BICC1: variants seen among roughly 807,000 people sequenced by gnomAD.
BICC1 encodes the protein BicC family RNA binding protein 1, also known as protein bicaudal C homolog 1.
BICC1 carries 43 observed loss-of-function variants against 111.0 expected under a neutral mutation model. The observed-to-expected ratio is 0.39, with a 90% CI of 0.30 to 0.50. The LOEUF is 0.50. Among genes scored for constraint, BICC1 ranks in the 20% least tolerant of loss-of-function variants. BICC1 has a pLI of 0.88. For missense variants in BICC1, 1,091 were observed against 1,203.2 expected, an observed-to-expected ratio of 0.91 and a Z score of 1.38; for synonymous variants, 467 against 434.4, an observed-to-expected ratio of 1.07 and a Z score of -0.93.
chr10:58,529,774 T>C (rs1290984445), intron 1 of BICC1, among the ~76,000 whole-genome samples: 2 of 151,810 alleles, frequency 1.3e-5, no homozygotes, highest in Non-Finnish European at 2.9e-5. Context: ...TGGCACTTAT[T>C]ACGTACACAG....
intron 2 of BICC1, among the ~76,000 whole-genome samples, chr10:58,687,157 TGG>T (rs1839759250): frequency 1.3e-5 from 2 of 152,254 alleles, no homozygotes; most frequent in African/African-American, 4.8e-5. Flanking sequence ...CCTGTTTGCC[TGG>T]GTATCACCAG....
At chr10:58,531,187 T>C (rs995734219) in intron 1 of BICC1, among the ~76,000 whole-genome samples, 1 of 151,800 alleles carries the variant, frequency 6.6e-6, no homozygotes, top group Non-Finnish European at 1.5e-5. Context: ...CTTGGAGTGC[T>C]GATGAGGAAT....
chr10:58,791,665 C>T (rs1048865560), intron 8 of BICC1, among the ~76,000 whole-genome samples: 18 of 151,744 alleles, frequency 1.2e-4, no homozygotes, highest in African/African-American at 3.4e-4. Context: ...GCTCAAACCG[C>T]GGAGGTGGAG....
chr10:58,711,460 A>C (rs1472486168), intron 3 of BICC1, among the ~76,000 whole-genome samples: 5 of 152,218 alleles, frequency 3.3e-5, no homozygotes, highest in African/African-American at 1.2e-4. Flanking sequence ...GATAGTGCCA[A>C]ACATGCACAT....
chr10:58,663,637 T>C (rs568562623), intron 2 of BICC1, among the ~76,000 whole-genome samples: 56 of 152,306 alleles, frequency 3.7e-4, no homozygotes, highest in Admixed American at 2.6e-3. Context: ...TATTGTGAAC[T>C]GTGCATTCAA....
chr10:58,524,027 A>G (rs922479548), intron 1 of BICC1, among the ~76,000 whole-genome samples: 7 of 152,062 alleles, frequency 4.6e-5, no homozygotes, highest in Non-Finnish European at 1.0e-4. Flanking sequence ...AGAACTACAA[A>G]CCACTGCTCA....
At chr10:58,722,342 G>T (rs1328031255) in intron 3 of BICC1, among the ~76,000 whole-genome samples, 1 of 152,062 alleles carries the variant, frequency 6.6e-6, no homozygotes, top group African/African-American at 2.4e-5. Flanking sequence ...TAGCGGAGAA[G>T]GAATAGTGTT....
intron 2 of BICC1, among the ~76,000 whole-genome samples, chr10:58,635,963 G>A (rs1837941150): frequency 6.6e-6 from 1 of 152,124 alleles, no homozygotes; most frequent in African/African-American, 2.4e-5. Flanking sequence ...CATATCTGTG[G>A]TCACTTTGTT....
At chr10:58,762,545 G>T (rs748032281) in intron 3 of BICC1, among the ~76,000 whole-genome samples, 1 of 152,202 alleles carries the variant, frequency 6.6e-6, no homozygotes, top group African/African-American at 2.4e-5. Context: ...AAAGGAAGAA[G>T]AACAGGTTAT....
chr10:58,797,805 G>GAAC (rs967305109), intron 10 of BICC1, among the ~76,000 whole-genome samples: 2 of 151,756 alleles, frequency 1.3e-5, no homozygotes, highest in Non-Finnish European at 2.9e-5. Context: ...TGACTCCTTA[G>GAAC]AACAACAACA....
Position 58,813,957 on chromosome 10 carries a change from G to C in BICC1, c.2504G>C (p.Gly835Ala). 6.2e-7 allele frequency: 1 copy of C among 1,614,008 alleles called. No homozygotes were observed. The highest frequency in any genetic ancestry group is 8.5e-7 in the Non-Finnish European group (1 of 1,179,934). ...CATAGTGAATTTGCAGCTTCTATTGGCAGCCCTAAGCGTAAACAAAACAAA... is the reference window on the plus strand; with the variant it reads ...CATAGTGAATTTGCAGCTTCTATTGCCAGCCCTAAGCGTAAACAAAACAAA... ...GSHSEFAASIGSPKRKQNKST... is the reference protein window; with the variant it reads ...GSHSEFAASIASPKRKQNKST... The change falls in exon 18 of 21, where the codon GGC becomes GCC. Residue 835 changes from glycine (G) to alanine (A), a missense_variant. Gly to Ala is a moderately conservative substitution (Grantham distance 60). Around this residue, in one of 3 missense-constraint regions of BICC1, gnomAD observed 231 missense variants for 256.2 expected, o/e 0.90. Coordinates refer to ENST00000373886, the MANE Select transcript of BICC1 (RefSeq NM_001080512.3).
chr10:58,626,900 T>G (rs577565001), intron 2 of BICC1, among the ~76,000 whole-genome samples: 2 of 152,084 alleles, frequency 1.3e-5, no homozygotes, highest in Admixed American at 1.3e-4. Flanking sequence ...AGGTCAGGAG[T>G]TCGAGACCAG....
intron 1 of BICC1, among the ~76,000 whole-genome samples, chr10:58,535,371 A>G (rs1842798889): frequency 7.0e-6 from 1 of 143,592 alleles, no homozygotes; most frequent in African/African-American, 2.5e-5. Context: ...AAAACCTAGC[A>G]GACTAACAGC....
chr10:58,786,453 T>C (rs971122225), intron 4 of BICC1, among the ~76,000 whole-genome samples: 36 of 152,330 alleles, frequency 2.4e-4, no homozygotes, highest in African/African-American at 8.4e-4. Flanking sequence ...AAAGCAGTGA[T>C]TCTAAAAACT....
At chr10:58,695,437 C>G (rs545725599) in intron 2 of BICC1, among the ~76,000 whole-genome samples, 3 of 152,154 alleles carry the variant, frequency 2.0e-5, no homozygotes, top group Non-Finnish European at 4.4e-5. Context: ...ATTAGTTGGT[C>G]TTTTAGAGAA....
At chr10:58,606,950 T>C (rs1845235432) in intron 1 of BICC1, among the ~76,000 whole-genome samples, 2 of 152,224 alleles carry the variant, frequency 1.3e-5, no homozygotes, top group Admixed American at 1.3e-4. Context: ...TCTTGTTCTT[T>C]CTGGGAGAAT....
At chr10:58,683,642 A>C (rs965855543) in intron 2 of BICC1, among the ~76,000 whole-genome samples, 1 of 152,172 alleles carries the variant, frequency 6.6e-6, no homozygotes, top group Non-Finnish European at 1.5e-5. Flanking sequence ...CTTTGAAGCA[A>C]TTGTGAATAG....
At position 58,793,464 on chromosome 10, in the gene BICC1, T is replaced by C; in HGVS notation, c.1048-20T>C. The C allele has an allele frequency of 6.2e-7, 1 of 1,603,704 alleles. No individual in the cohort carries two copies. The highest frequency in any genetic ancestry group is 1.3e-5 in the African/African-American group (1 of 74,768). ...GATTAAATTTTTACCTCCTACACAT[T>C]CTATTGTGACATTTTCTAGGGTTGT... On this transcript the variant is annotated intron_variant, in intron 8 of 20. Coordinates refer to ENST00000373886, the MANE Select transcript of BICC1 (RefSeq NM_001080512.3).
intron 1 of BICC1, among the ~76,000 whole-genome samples, chr10:58,572,389 G>A (rs957715515): frequency 6.6e-6 from 1 of 151,858 alleles, no homozygotes; most frequent in Non-Finnish European, 1.5e-5. Context: ...TTAAATATTT[G>A]CCCCTTTCTA....
Sources: gnomAD v4.1 joint callset for allele counts (sites outside exome capture counted in the v4.1 genomes callset) on GRCh38, gnomAD v4.1.1 for gene constraint, gnomAD v4.1.1 regional missense constraint, MANE v1.5 for transcripts, NCBI Gene and HGNC (gene_info 2026-07-23, HGNC 2026-07-21) for gene names.